The following GSE1 variants were observed in gnomAD, a reference collection of about 807,000 sequenced individuals.
The protein encoded by GSE1 is Gse1 coiled-coil protein, also known as genetic suppressor element 1.
A neutral mutation model predicts 112.6 loss-of-function variants in GSE1; 32 were observed. The observed-to-expected ratio is 0.28, with a 90% CI of 0.21 to 0.38. The LOEUF is 0.38. GSE1 is among the 10% of genes least tolerant of loss of function. GSE1 has a pLI of 1.00. For synonymous variants in GSE1, 1,115 were observed against 735.6 expected (o/e 1.52, Z -8.35); for missense variants, 2,348 against 1,699.2 (o/e 1.38, Z -6.71).
At chr16:85,487,403 G>A (rs1036065722) in intron 2 of GSE1, among the ~76,000 whole-genome samples, 1 of 152,194 alleles carries the variant, frequency 6.6e-6, no homozygotes, top group Non-Finnish European at 1.5e-5. Context: ...TGACAGGCAT[G>A]TCGAGGGCCT....
At chr16:85,287,977 C>T (rs781443763) in intron 1 of GSE1, among the ~76,000 whole-genome samples, 3 of 152,190 alleles carry the variant, frequency 2.0e-5, no homozygotes, top group Non-Finnish European at 2.9e-5. Context: ...CGGTGGCTCA[C>T]GCCTGTAATC....
intron 1 of GSE1, among the ~76,000 whole-genome samples, chr16:85,326,510 C>G (rs915119091): frequency 4.6e-5 from 7 of 152,218 alleles, no homozygotes; most frequent in African/African-American, 1.4e-4. Flanking sequence ...TTCCCCTATG[C>G]CGTTCTTGTG....
chr16:85,500,072 C>G (rs1319631891), intron 2 of GSE1, among the ~76,000 whole-genome samples: 1 of 152,200 alleles, frequency 6.6e-6, no homozygotes, highest in East Asian at 1.9e-4. Flanking sequence ...CCTAAACACC[C>G]CACCACGGAG....
intron 2 of GSE1, among the ~76,000 whole-genome samples, chr16:85,411,738 GGC>G (rs1491166192): frequency 2.7e-5 from 1 of 37,238 alleles, no homozygotes; most frequent in Non-Finnish European, 5.6e-5. Context: ...TTACACTCAG[GGC>G]CCCCCGGATA....
At chr16:85,207,363 G>A (rs956489224) in intron 1 of GSE1, among the ~76,000 whole-genome samples, 12 of 152,306 alleles carry the variant, frequency 7.9e-5, no homozygotes, top group South Asian at 4.1e-4. Flanking sequence ...GCCCCTGCCC[G>A]CCGCCAGCCA....
intron 2 of GSE1, among the ~76,000 whole-genome samples, chr16:85,537,476 A>C (rs927548014): frequency 2.6e-5 from 4 of 152,206 alleles, no homozygotes. Context: ...CCTGGGGTCA[A>C]CGGGGCTGCC....
At chr16:85,646,130 C>T (rs1183880923) in intron 2 of GSE1, among the ~76,000 whole-genome samples, 3 of 109,866 alleles carry the variant, frequency 2.7e-5, no homozygotes, top group African/African-American at 7.7e-5. Context: ...TACCACGCTT[C>T]CTATGCATGC....
intron 3 of GSE1, among the ~76,000 whole-genome samples, chr16:85,650,975 G>A (rs968340487): frequency 1.3e-5 from 2 of 151,594 alleles, no homozygotes; most frequent in African/African-American, 2.4e-5. Context: ...GGCATGTCCC[G>A]CCTGTCTGAC....
intron 2 of GSE1, among the ~76,000 whole-genome samples, chr16:85,635,150 C>T (rs910496262): frequency 6.6e-6 from 1 of 152,198 alleles, no homozygotes; most frequent in Admixed American, 6.5e-5. Context: ...GGGGGGACTT[C>T]TCATTTCTGA....
At chr16:85,555,056 C>G, upstream of GSE1, 1 of 985,362 alleles carries the variant, frequency 1.0e-6, no homozygotes, top group Non-Finnish European at 1.2e-6. Context: ...ATTATTATCG[C>G]CCTGCGAAGC....
chr16:85,324,619 C>G (rs1195138012), intron 1 of GSE1, among the ~76,000 whole-genome samples: 1 of 151,994 alleles, frequency 6.6e-6, no homozygotes, highest in Non-Finnish European at 1.5e-5. Flanking sequence ...GGAAACAGCA[C>G]AGAAGCTGTC....
chr16:85,612,828 G>C (rs748390898), upstream of GSE1, among the ~76,000 whole-genome samples: 1 of 152,206 alleles, frequency 6.6e-6, no homozygotes, highest in Non-Finnish European at 1.5e-5. Context: ...GCCCATTATT[G>C]GGCCTGCTCT....
chr16:85,408,558 G>A (rs1445953800), intron 2 of GSE1, among the ~76,000 whole-genome samples: 12 of 23,092 alleles, frequency 5.2e-4, no homozygotes, highest in South Asian at 2.4e-3. Context: ...AGGGCCCCCC[G>A]GATAATCCTC....
chr16:85,470,427 A>G (rs896354643), intron 2 of GSE1, among the ~76,000 whole-genome samples: 5 of 151,976 alleles, frequency 3.3e-5, no homozygotes, highest in African/African-American at 7.3e-5. Flanking sequence ...CAGAGCTGGG[A>G]TCCGTGTCTC....
At chr16:85,613,028 C>G (rs940415389), upstream of GSE1, 6 of 327,346 alleles carry the variant, frequency 1.8e-5, no homozygotes, top group African/African-American at 1.3e-4. Flanking sequence ...CCGCTGGTGT[C>G]CCCGGCTCAC....
intron 1 of GSE1, among the ~76,000 whole-genome samples, chr16:85,598,873 G>A (rs546178687): frequency 1.3e-5 from 2 of 152,366 alleles, no homozygotes; most frequent in African/African-American, 4.8e-5. Flanking sequence ...GCAGGGACCT[G>A]TGGTCTGTGA....
intron 2 of GSE1, among the ~76,000 whole-genome samples, chr16:85,635,090 C>T (rs528056417): frequency 6.6e-6 from 1 of 152,312 alleles, no homozygotes; most frequent in African/African-American, 2.4e-5. Context: ...CTTTACATTA[C>T]CCGGGTTCCA....
chr16:85,269,664 C>T (rs1001024336), intron 1 of GSE1, among the ~76,000 whole-genome samples: 1 of 149,298 alleles, frequency 6.7e-6, no homozygotes, highest in Non-Finnish European at 1.5e-5. Flanking sequence ...TCTGTCCAGC[C>T]TTCAGTGCCC....
intron 1 of GSE1, among the ~76,000 whole-genome samples, chr16:85,323,618 C>G (rs1486196952): frequency 6.6e-6 from 1 of 152,134 alleles, no homozygotes; most frequent in Non-Finnish European, 1.5e-5. Context: ...TGGGAACCTG[C>G]CAACTCTCAG....
Sources: allele counts gnomAD v4.1 joint callset (sites outside exome capture counted in the v4.1 genomes callset), GRCh38; gene constraint gnomAD v4.1.1; transcripts MANE v1.5; gene names NCBI Gene and HGNC (gene_info 2026-07-23, HGNC 2026-07-21).